SPTBN2: variants seen among roughly 807,000 people sequenced by gnomAD.
The protein encoded by SPTBN2 is spectrin beta chain, non-erythrocytic 2.
A neutral mutation model predicts 284.2 loss-of-function variants in SPTBN2; 107 were observed. The ratio of observed to expected loss-of-function variants is 0.38; its 90% CI spans 0.32 to 0.44. SPTBN2 has a LOEUF of 0.44. Among genes scored for constraint, SPTBN2 ranks in the 20% least tolerant of loss-of-function variants. SPTBN2 has a pLI of 1.00. For synonymous variants in SPTBN2, 1,289 were observed against 1,354.8 expected (o/e 0.95, Z 1.07); for missense variants, 2,569 against 3,287.1 (o/e 0.78, Z 5.34).
chr11:66,686,724 C>G, intron 36 of SPTBN2: 1 of 633,658 alleles, frequency 1.6e-6, no homozygotes, highest in Non-Finnish European at 2.7e-6. Context: ...GAGGTCTTCC[C>G]AGATCCCTAC....
At chr11:66,742,112 A>AAGT (rs1942899542) in intron 1 of SPTBN2, among the ~76,000 whole-genome samples, 1 of 152,192 alleles carries the variant, frequency 6.6e-6, no homozygotes, top group Admixed American at 6.5e-5. Flanking sequence ...ATGAGCCACC[A>AAGT]TGCCTGATTT....
intron 1 of SPTBN2, among the ~76,000 whole-genome samples, chr11:66,735,705 C>T (rs72923101): frequency 6.6e-6 from 1 of 152,226 alleles, no homozygotes; most frequent in Non-Finnish European, 1.5e-5. Context: ...GAGTGGGACC[C>T]TGTCTCAAAC....
chr11:66,717,122 TG>T (rs1156273437), intron 3 of SPTBN2, among the ~76,000 whole-genome samples: 1 of 150,842 alleles, frequency 6.6e-6, no homozygotes, highest in Non-Finnish European at 1.5e-5. Flanking sequence ...CCAGGAAACA[TG>T]GGGGAAAAAA....
intron 31 of SPTBN2, 130 bp downstream of exon 31, chr11:66,688,522 TG>T: frequency 6.8e-7 from 1 of 1,460,308 alleles, no homozygotes; most frequent in Non-Finnish European, 9.3e-7. Flanking sequence ...GTGGTGACAA[TG>T]GCACTCTCAG....
chr11:66,711,027 C>A lies in SPTBN2; in HGVS notation c.775G>T (p.Val259Leu). 6.2e-7 allele frequency: 1 copy of A among 1,614,018 alleles called. No individual in the cohort carries two copies. Among genetic ancestry groups the A allele is most frequent in the Admixed American group, 1.7e-5 (1 of 60,022 alleles). Residue 259 changes from valine to leucine, a missense_variant and splice_region_variant, in exon 9 of 38, where the codon GTG becomes TTG. Physicochemically the swap from Val to Leu is conservative, Grantham distance 32. This residue lies in a region of SPTBN2 where 304 missense variants were observed against 522.1 expected (regional missense o/e 0.58). Coordinates refer to ENST00000533211, the MANE Select transcript of SPTBN2 (RefSeq NM_006946.4). ...GLTKLLDPED[V>L]NVDQPDEKSI... ...TTCTCATCTGGCTGGTCCACATTCA[C>A]GTCTGCAAGAGAGGACCATTTGGGT...
rs1202212337 is a variant in SPTBN2, at chr11:66,741,430, C to T, written c.-475+3112G>A. Among the ~76,000 whole-genome samples the T allele has an allele frequency of 2.6e-5, 4 of 152,220 alleles. No homozygotes were observed. In the South Asian group the frequency reaches 8.3e-4, roughly 31 times the overall value. ...ATGATGAACAATGAGTCAATTAAAA[C>T]TCTTTCCTTTATAAATTACCCAGTG... On this transcript the variant is annotated intron_variant, in intron 1 of 37. Transcript: ENST00000611817.
chr11:66,729,266 A>C (rs140683262), upstream of SPTBN2: 168 of 152,280 alleles, frequency 1.1e-3, no homozygotes, highest in African/African-American at 3.7e-3. Context: ...CTAAAAGCGC[A>C]TCATCTCATG....
At chr11:66,690,862 G>A (rs978885670) in intron 27 of SPTBN2, among the ~76,000 whole-genome samples, 1 of 152,174 alleles carries the variant, frequency 6.6e-6, no homozygotes, top group African/African-American at 2.4e-5. Context: ...TTGTTGCCCA[G>A]GCTGGAGTGC....
Position 66,684,617 on chromosome 11 carries a change from AGAGT to A in SPTBN2, c.*1250_*1253del, listed in dbSNP as rs1422769080. Reference sequence around the variant, plus strand: ...GCCACTGCAGTCCAGCTTGGCTGACAGAGTGAGACTCTGTCTCAAAAAAAAAAAA... The same window carrying A: ...GCCACTGCAGTCCAGCTTGGCTGACAGAGACTCTGTCTCAAAAAAAAAAAA... On this transcript the variant is annotated 3_prime_UTR_variant, in exon 38 of 38. Transcript: ENST00000533211. Among the ~76,000 whole-genome samples the A allele has an allele frequency of 6.6e-6, 1 of 150,772 alleles. No individual in the cohort carries two copies. Among genetic ancestry groups the A allele is most frequent in the Non-Finnish European group, 1.5e-5 (1 of 67,730 alleles).
In SPTBN2 at chr11:66,708,683, G is replaced by C. The variant is rs1158901103; in HGVS notation, c.1191+219C>G. 1.3e-5 allele frequency among the ~76,000 whole-genome samples: 2 copies of C among 152,198 alleles called. No individual in the cohort carries two copies. Among genetic ancestry groups the C allele is most frequent in the African/African-American group, 4.8e-5 (2 of 41,446 alleles). ...TAATTTCCTTATGTGACCTCGTATG[G>C]AGAGTCAGACAAAGGGACAGGGAGC... On this transcript the variant is annotated intron_variant, in intron 11 of 37. Transcript: ENST00000533211. This position sits in a 1 kb window ranked among gnomAD's most constrained non-coding sequence, Gnocchi z 4.4.
chr11:66,696,259 C>G lies in SPTBN2; in HGVS notation c.4278+18G>C, dbSNP rs1198255288. On this transcript the variant is annotated intron_variant, in intron 21 of 37. Transcript: ENST00000533211. ...TTCTTCTGCTGTTCACCATCCCCAT[C>G]AAAGGCCCACAGCACACCTGCTGCT... The G allele has an allele frequency of 6.2e-7, 1 of 1,609,020 alleles. No individual in the cohort carries two copies. The highest frequency in any genetic ancestry group is 1.1e-5 in the South Asian group (1 of 90,982).
At position 66,691,754 on chromosome 11, in the gene SPTBN2, A is replaced by C; in HGVS notation, c.5191-96T>G. The C allele has an allele frequency of 1.3e-6, 2 of 1,566,318 alleles. No individual in the cohort carries two copies. The highest frequency in any genetic ancestry group is 1.7e-6 in the Non-Finnish European group (2 of 1,152,010). ...GTCCTCCACTCCAAACTCAGAACCC[A>C]CCTCTCCCCGCTGCATGGGGGCCGG... On this transcript the variant is annotated intron_variant, in intron 26 of 37. Coordinates refer to ENST00000533211, the MANE Select transcript of SPTBN2 (RefSeq NM_006946.4). The surrounding 1 kb of genome is among the most constrained non-coding windows in gnomAD (Gnocchi z 8.0).
At chr11:66,719,103 G>A (rs1942277556) in intron 3 of SPTBN2, among the ~76,000 whole-genome samples, 1 of 152,272 alleles carries the variant, frequency 6.6e-6, no homozygotes, top group East Asian at 1.9e-4. Flanking sequence ...TCTCCAGGAT[G>A]TGTGGGCTTT....
rs770151324 is a variant in SPTBN2 at position 66,690,129 on chromosome 11, G to A, written c.5720C>T (p.Thr1907Ile). ...AGCCTTGAAGAAGCGGAACTTGTCT[G>A]TGGTGTCCAGCAGCAGCTGCCGGCG... Reference protein sequence around the residue: ...AARRQLLLDTTDKFRFFKAVR... With the variant: ...AARRQLLLDTIDKFRFFKAVR... The change falls in exon 28 of 38, where the codon ACA becomes ATA. Residue 1907 changes from threonine to isoleucine, a missense_variant. By Grantham distance (89) the Thr-to-Ile change is moderately conservative (BLOSUM62 -1). Around this residue, in one of 6 missense-constraint regions of SPTBN2, gnomAD observed 1,130 missense variants for 1,317.3 expected, o/e 0.86. Transcript: ENST00000533211. The A allele has an allele frequency of 1.9e-6, 3 of 1,614,114 alleles. No individual in the cohort carries two copies. Among genetic ancestry groups the A allele is most frequent in the Non-Finnish European group, 8.5e-7 (1 of 1,180,056 alleles).
chr11:66,730,255 C>G (rs1590996223), upstream of SPTBN2, among the ~76,000 whole-genome samples: 1 of 152,120 alleles, frequency 6.6e-6, no homozygotes. Context: ...ATCAGGGACA[C>G]TTGGTCAGGG....
At position 66,707,400 on chromosome 11, in the gene SPTBN2, C is replaced by A. The variant is rs896208281; in HGVS notation, c.1653+116G>T. 6 of 1,122,990 alleles carry A rather than the reference C, an allele frequency of 5.3e-6. No homozygotes were observed. The South Asian group carries it at 8.7e-5, about 16-fold the overall frequency. The allele number at this position is 1,122,990 out of a possible 1,614,324, so 69.6% of individuals were successfully genotyped here. A position where few individuals can be genotyped will look rare whatever the true frequency, so the allele number is the denominator to read the frequency against. On this transcript the variant is annotated intron_variant, in intron 13 of 37. Coordinates refer to ENST00000533211, the MANE Select transcript of SPTBN2 (RefSeq NM_006946.4). The surrounding 1 kb of genome is among the most constrained non-coding windows in gnomAD (Gnocchi z 4.9). The stretch of plus-strand genomic sequence containing the variant: ...TTGTTCCCTGCAACTGGGGACAGGG[C>A]CCTGTGCTGGTTCACACTCCACAGA...
At chr11:66,712,291 G>A (rs1207108708) in intron 8 of SPTBN2, among the ~76,000 whole-genome samples, 1 of 152,236 alleles carries the variant, frequency 6.6e-6, no homozygotes, top group South Asian at 2.1e-4. Context: ...GCTCACACCT[G>A]TTATCACAGC....
chr11:66,701,358 CTT>C lies in SPTBN2; in HGVS notation c.2817-78_2817-77del, dbSNP rs765650238. 147 of 1,571,612 alleles carry C rather than the reference CTT, an allele frequency of 9.4e-5. 2 individuals are homozygous for C. Among genetic ancestry groups the C allele is most frequent in the South Asian group, 6.4e-4 (56 of 87,250 alleles). ...AAGCTTCTTCCCTGCTTCTCTCTCT[CTT>C]GGTAGCTCCCCTTCACTCCTCCCTT... On this transcript the variant is annotated intron_variant, in intron 16 of 37. Transcript: ENST00000533211.
Position 66,693,705 on chromosome 11 carries a change from G to A in SPTBN2, c.4593+67C>T. On this transcript the variant is annotated intron_variant, in intron 23 of 37. Coordinates refer to ENST00000533211, the MANE Select transcript of SPTBN2 (RefSeq NM_006946.4). This position sits in a 1 kb window ranked among gnomAD's most constrained non-coding sequence, Gnocchi z 5.7. ...AGCATCGAGGGGGGCCTGGTCTTAA[G>A]AAAAAACACGTCCAAGTCTGGGCAG... 6.6e-7 allele frequency: 1 copy of A among 1,506,902 alleles called. No homozygotes were observed. The highest frequency in any genetic ancestry group is 9.1e-7 in the Non-Finnish European group (1 of 1,103,530). 93.3% of individuals were successfully genotyped at this position (1,506,902 alleles called of 1,614,324 possible). A position where few individuals can be genotyped will look rare whatever the true frequency, so the allele number is the denominator to read the frequency against.
Sources: allele counts gnomAD v4.1 joint callset (sites outside exome capture counted in the v4.1 genomes callset), GRCh38; gene constraint gnomAD v4.1.1; regional missense constraint gnomAD v4.1.1; non-coding constraint Gnocchi (gnomAD v3.1); transcripts MANE v1.5; gene names NCBI Gene and HGNC (gene_info 2026-07-23, HGNC 2026-07-21).